The following PITPNB variants were observed in gnomAD, a reference collection of about 807,000 sequenced individuals.
PITPNB encodes the protein phosphatidylinositol transfer protein beta.
Under a neutral mutation model 45.9 loss-of-function variants are expected in PITPNB, and 16 were observed. The observed-to-expected ratio is 0.35, with a 90% CI of 0.24 to 0.53. PITPNB has a LOEUF of 0.53. PITPNB is among the 20% of genes least tolerant of loss of function. The pLI is 0.93. For missense variants in PITPNB, 188 were observed against 330.5 expected, an observed-to-expected ratio of 0.57 and a Z score of 3.34; for synonymous variants, 112 against 108.9, an observed-to-expected ratio of 1.03 and a Z score of -0.18.
intron 7 of PITPNB, among the ~76,000 whole-genome samples, chr22:27,875,715 G>A (rs1934801939): frequency 6.6e-6 from 1 of 152,078 alleles, no homozygotes; most frequent in African/African-American, 2.4e-5. Flanking sequence ...TCAAAATCTA[G>A]TTATTGAACA....
chr22:27,891,119 T>A (rs1463094832), intron 7 of PITPNB, among the ~76,000 whole-genome samples: 35 of 152,108 alleles, frequency 2.3e-4, no homozygotes, highest in Admixed American at 2.3e-3. Flanking sequence ...GGTGTCCTCT[T>A]GGGGTGATGA....
rs146693698 is a variant in PITPNB, at chr22:27,865,337, T to C, written c.535-5096A>G. ...CTGGCTTTTGGCTTCTTTTTTCTGA[T>C]GTTTAATAAATTAAATCTAAACAAA... On this transcript the variant is annotated intron_variant, in intron 8 of 11. Transcript: ENST00000335272. 6.8e-3 allele frequency among the ~76,000 whole-genome samples: 1,035 copies of C among 152,352 alleles called. 7 individuals carry two copies. The highest frequency in any genetic ancestry group is 0.023 in the African/African-American group (940 of 41,586).
intron 7 of PITPNB, among the ~76,000 whole-genome samples, chr22:27,890,550 C>T (rs917470138): frequency 2.6e-5 from 4 of 152,132 alleles, no homozygotes; most frequent in African/African-American, 7.2e-5. Context: ...CGCGGTGGCT[C>T]ATGCCTGTAA....
At chr22:27,861,965 C>T (rs1249984321) in intron 8 of PITPNB, among the ~76,000 whole-genome samples, 2 of 152,164 alleles carry the variant, frequency 1.3e-5, no homozygotes, top group African/African-American at 4.8e-5. Context: ...CACTGCAACA[C>T]GACGGGGACC....
At chr22:27,884,513 A>G (rs950191413) in intron 7 of PITPNB, among the ~76,000 whole-genome samples, 6 of 152,182 alleles carry the variant, frequency 3.9e-5, no homozygotes, top group African/African-American at 1.4e-4. Flanking sequence ...CCCAAAACGA[A>G]TATGGCACAC....
chr22:27,887,152 A>C (rs1935144821), intron 7 of PITPNB, among the ~76,000 whole-genome samples: 1 of 152,256 alleles, frequency 6.6e-6, no homozygotes, highest in South Asian at 2.1e-4. Context: ...CTGGATATTC[A>C]CAACTGCATA....
chr22:27,884,503 C>T (rs1391837369), intron 7 of PITPNB, among the ~76,000 whole-genome samples: 1 of 152,198 alleles, frequency 6.6e-6, no homozygotes, highest in Non-Finnish European at 1.5e-5. Context: ...CATTCTGTGA[C>T]CCAAAACGAA....
rs149509802 is a variant in PITPNB at position 27,874,743 on chromosome 22, G to T, written c.457-928C>A. Among the ~76,000 whole-genome samples the T allele has an allele frequency of 6.8e-3, 1,034 of 152,290 alleles. 7 individuals carry two copies. The highest frequency in any genetic ancestry group is 0.023 in the African/African-American group (939 of 41,570). On this transcript the variant is annotated intron_variant, in intron 7 of 11. Coordinates refer to ENST00000335272, the MANE Select transcript of PITPNB (RefSeq NM_012399.5). ...TTGCAACAATAACTTGACCGTGGTC[G>T]GTTGGTCAGTTTAAAACACTGCAAA...
chr22:27,917,311 T>G (rs914209897), intron 1 of PITPNB, among the ~76,000 whole-genome samples: 1 of 152,230 alleles, frequency 6.6e-6, no homozygotes, highest in African/African-American at 2.4e-5. Flanking sequence ...TGTGTGTCTG[T>G]AACACTTTTG....
intron 1 of PITPNB, among the ~76,000 whole-genome samples, chr22:27,917,330 A>G (rs1936109967): frequency 6.6e-6 from 1 of 152,184 alleles, no homozygotes; most frequent in Non-Finnish European, 1.5e-5. Flanking sequence ...TGGAGGGAGG[A>G]AATACTCCAA....
chr22:27,882,875 C>A (rs1935014495), intron 7 of PITPNB, among the ~76,000 whole-genome samples: 1 of 152,258 alleles, frequency 6.6e-6, no homozygotes, highest in Admixed American at 6.5e-5. Flanking sequence ...TAGACAGATA[C>A]AATTGTTCCT....
intron 7 of PITPNB, among the ~76,000 whole-genome samples, chr22:27,883,811 G>A (rs749579500): frequency 6.6e-6 from 1 of 152,204 alleles, no homozygotes; most frequent in Non-Finnish European, 1.5e-5. Context: ...AGTCATGCAT[G>A]TACAGACCTG....
intron 7 of PITPNB, among the ~76,000 whole-genome samples, chr22:27,888,044 C>T (rs1935174988): frequency 6.6e-6 from 1 of 152,218 alleles, no homozygotes; most frequent in Admixed American, 6.5e-5. Context: ...CTATTAATGG[C>T]ATCTTATGCA....
At chr22:27,903,777 CAA>C (rs58453570) in intron 3 of PITPNB, among the ~76,000 whole-genome samples, 3,075 of 84,214 alleles carry the variant, frequency 0.037, 75 homozygotes, top group African/African-American at 0.11. Flanking sequence ...CCCTGTCTCC[CAA>C]AAAAAAAAAA....
At chr22:27,857,826 T>C (rs977789567) in intron 10 of PITPNB, among the ~76,000 whole-genome samples, 1 of 152,184 alleles carries the variant, frequency 6.6e-6, no homozygotes, top group Non-Finnish European at 1.5e-5. Context: ...GCTGTAACAC[T>C]GAACTGTGGC....
At chr22:27,860,945 T>G (rs1465311031) in intron 8 of PITPNB, among the ~76,000 whole-genome samples, 1 of 146,534 alleles carries the variant, frequency 6.8e-6, no homozygotes, top group Non-Finnish European at 1.5e-5. Flanking sequence ...CCCAGAGCTT[T>G]GGGAGGCTGA....
intron 7 of PITPNB, among the ~76,000 whole-genome samples, chr22:27,879,596 A>C (rs1214583679): frequency 1.3e-5 from 2 of 152,172 alleles, no homozygotes; most frequent in Middle Eastern, 3.2e-3. Context: ...TATAACACTT[A>C]AAAATGAAGA....
chr22:27,855,356 T>A (rs2146343112), intron 10 of PITPNB, among the ~76,000 whole-genome samples: 1 of 151,072 alleles, frequency 6.6e-6, no homozygotes. Context: ...CTCAGTGGAG[T>A]CCTTTAAAGG....
At chr22:27,884,674 C>T (rs1935065742) in intron 7 of PITPNB, among the ~76,000 whole-genome samples, 1 of 152,180 alleles carries the variant, frequency 6.6e-6, no homozygotes, top group African/African-American at 2.4e-5. Flanking sequence ...AAGCATTACA[C>T]TCAAACATGC....
Sources: gnomAD v4.1 joint callset for allele counts (sites outside exome capture counted in the v4.1 genomes callset) on GRCh38, gnomAD v4.1.1 for gene constraint, MANE v1.5 for transcripts, NCBI Gene and HGNC (gene_info 2026-07-23, HGNC 2026-07-21) for gene names.